WDR70: variants seen among roughly 807,000 people sequenced by gnomAD.
The protein encoded by WDR70 is WD repeat-containing protein 70.
In WDR70, 53 loss-of-function variants were observed where a neutral mutation model predicts 88.6. The ratio of observed to expected loss-of-function variants is 0.60; its 90% CI spans 0.48 to 0.75. The LOEUF is 0.75. Ranked by LOEUF, WDR70 falls within the 30% of genes least tolerant of loss-of-function variation. The probability of loss-of-function intolerance (pLI) is 0.00; values close to 1 mark genes in which losing one functional copy is unlikely to be tolerated. For missense variants in WDR70, 610 were observed against 823.2 expected, an observed-to-expected ratio of 0.74 and a Z score of 3.17; for synonymous variants, 280 against 270.0, an observed-to-expected ratio of 1.04 and a Z score of -0.36.
chr5:37,722,514 A>C (rs1322614781), intron 14 of WDR70: 2 of 236,176 alleles, frequency 8.5e-6, no homozygotes, highest in East Asian at 2.1e-4. Flanking sequence ...CTAAAATTTT[A>C]ACCCTGTGAC....
At position 37,612,393 on chromosome 5, in the gene WDR70, T is replaced by C. The variant is rs369905193; in HGVS notation, c.1092+7155T>C. Among the ~76,000 whole-genome samples, 144 of 152,324 alleles carry C rather than the reference T, an allele frequency of 9.5e-4. 1 individual carries two copies. The South Asian group carries it at 0.029, about 31-fold the overall frequency. On this transcript the variant is annotated intron_variant, in intron 10 of 17. Coordinates refer to ENST00000265107, the MANE Select transcript of WDR70 (RefSeq NM_018034.4). The stretch of plus-strand genomic sequence containing the variant: ...ACATTATATTTTACTTCAGATTTCA[T>C]GTCTGTGAGTCCTGACTTTCCTAAG...
intron 9 of WDR70, among the ~76,000 whole-genome samples, chr5:37,557,906 C>T (rs1742341502): frequency 1.5e-5 from 2 of 131,524 alleles, no homozygotes; most frequent in Admixed American, 7.7e-5. Context: ...GATTTATACT[C>T]TTTTGAAAAC....
intron 5 of WDR70, among the ~76,000 whole-genome samples, chr5:37,412,088 G>C (rs1361614428): frequency 6.6e-6 from 1 of 151,926 alleles, no homozygotes; most frequent in East Asian, 1.9e-4. Context: ...GAGAAAACAG[G>C]TGAAAAATCA....
intron 5 of WDR70, among the ~76,000 whole-genome samples, chr5:37,426,037 G>GTCATCAGCATATGTATGGCTATT (rs1750112421): frequency 6.6e-6 from 1 of 152,168 alleles, no homozygotes; most frequent in Non-Finnish European, 1.5e-5. Flanking sequence ...AGATTTTAGA[G>GTCATCAGCATATGTATGGCTATT]TCATCAGCAT....
chr5:37,443,103 GA>G (rs1232555800), intron 6 of WDR70, 135 bp from the exon 7 acceptor site: 1 of 890,102 alleles, frequency 1.1e-6, no homozygotes, highest in African/African-American at 1.7e-5. Flanking sequence ...CTGCTTTTCA[GA>G]AGTAACAATA....
At chr5:37,487,310 T>C (rs1456729000) in intron 8 of WDR70, among the ~76,000 whole-genome samples, 2 of 152,204 alleles carry the variant, frequency 1.3e-5, no homozygotes, top group Non-Finnish European at 1.5e-5. Flanking sequence ...TGATGGGTTT[T>C]GGTAATTCAA....
At chr5:37,412,317 G>T (rs1018243028) in intron 5 of WDR70, among the ~76,000 whole-genome samples, 2 of 152,164 alleles carry the variant, frequency 1.3e-5, no homozygotes, top group Non-Finnish European at 2.9e-5. Context: ...AACCCGGGAG[G>T]TGGAGGTTGC....
intron 10 of WDR70, among the ~76,000 whole-genome samples, chr5:37,655,574 C>T (rs546812108): frequency 4.6e-5 from 7 of 152,156 alleles, no homozygotes; most frequent in South Asian, 2.1e-4. Flanking sequence ...CAGGTACACC[C>T]GTCAAACGCA....
chr5:37,522,176 A>G (rs1741114717), intron 9 of WDR70, among the ~76,000 whole-genome samples: 1 of 152,062 alleles, frequency 6.6e-6, no homozygotes, highest in East Asian at 1.9e-4. Context: ...TCTTCTTTTA[A>G]GAATTGTCTA....
At chr5:37,599,865 C>G (rs955889185) in intron 9 of WDR70, among the ~76,000 whole-genome samples, 1 of 151,150 alleles carries the variant, frequency 6.6e-6, no homozygotes, top group African/African-American at 2.4e-5. Flanking sequence ...TGTACTCTAG[C>G]CTGGGCCACC....
At chr5:37,622,187 A>G (rs182170868) in intron 10 of WDR70, among the ~76,000 whole-genome samples, 17 of 152,296 alleles carry the variant, frequency 1.1e-4, no homozygotes, top group Non-Finnish European at 2.1e-4. Flanking sequence ...CGAAACCACA[A>G]TGAGATACCA....
At chr5:37,415,990 G>C (rs983212680) in intron 5 of WDR70, among the ~76,000 whole-genome samples, 2 of 151,438 alleles carry the variant, frequency 1.3e-5, no homozygotes, top group African/African-American at 4.9e-5. Context: ...TCCTGGATGG[G>C]ATGGCGGCCT....
intron 10 of WDR70, among the ~76,000 whole-genome samples, chr5:37,671,924 C>T (rs1484921477): frequency 6.6e-6 from 1 of 152,130 alleles, no homozygotes; most frequent in African/African-American, 2.4e-5. Context: ...CAGACTGTTA[C>T]TGTGTCTATG....
At chr5:37,651,223 T>G (rs1046063174) in intron 10 of WDR70, among the ~76,000 whole-genome samples, 11 of 152,206 alleles carry the variant, frequency 7.2e-5, no homozygotes, top group African/African-American at 2.7e-4. Context: ...TTTGGTTTTC[T>G]GTTCCTGTGT....
At chr5:37,450,680 T>G (rs1415822084) in intron 7 of WDR70, among the ~76,000 whole-genome samples, 1 of 152,222 alleles carries the variant, frequency 6.6e-6, no homozygotes, top group Non-Finnish European at 1.5e-5. Context: ...CTTAATGTCT[T>G]TTAATTTGAT....
rs563499541 is a variant in WDR70 at position 37,539,994 on chromosome 5, C to A, written c.917+23404C>A. Among the ~76,000 whole-genome samples the A allele has an allele frequency of 6.6e-5, 10 of 152,274 alleles. No individual in the cohort carries two copies. In the South Asian group the frequency reaches 2.1e-3, roughly 32 times the overall value. ...TTGAAAAAAGTTTGTGACTTTTGAT[C>A]TACTCAGTGTTTGATTATGAAAAAT... On this transcript the variant is annotated intron_variant, in intron 9 of 17. Transcript: ENST00000265107.
intron 9 of WDR70, among the ~76,000 whole-genome samples, chr5:37,539,702 C>G (rs1741760086): frequency 1.3e-5 from 2 of 152,196 alleles, no homozygotes; most frequent in African/African-American, 4.8e-5. Flanking sequence ...TTCAGGGTCC[C>G]TTGTTGTTTG....
At chr5:37,743,955 C>T (rs987065715) in intron 17 of WDR70, among the ~76,000 whole-genome samples, 4 of 152,218 alleles carry the variant, frequency 2.6e-5, no homozygotes, top group African/African-American at 9.6e-5. Flanking sequence ...CCCCATGCCA[C>T]CCAACTGGGT....
At chr5:37,507,506 C>A (rs10066898) in intron 8 of WDR70, among the ~76,000 whole-genome samples, 2 of 152,048 alleles carry the variant, frequency 1.3e-5, no homozygotes, top group African/African-American at 4.8e-5. Flanking sequence ...CTTTATCTTC[C>A]CCCCTCCCCT....
Sources: allele counts gnomAD v4.1 joint callset (sites outside exome capture counted in the v4.1 genomes callset), GRCh38; gene constraint gnomAD v4.1.1; transcripts MANE v1.5; gene names NCBI Gene and HGNC (gene_info 2026-07-23, HGNC 2026-07-21).